SEMA3A: variants seen among roughly 807,000 people sequenced by gnomAD.
SEMA3A encodes semaphorin 3A, also known as semaphorin-3A.
In SEMA3A, 29 loss-of-function variants were observed where a neutral mutation model predicts 97.9. The ratio of observed to expected loss-of-function variants is 0.30; its 90% CI spans 0.22 to 0.40. The LOEUF (loss-of-function observed/expected upper bound fraction) is 0.40. Ranked by LOEUF, SEMA3A falls within the 10% of genes least tolerant of loss-of-function variation. The pLI, the probability that SEMA3A is intolerant of heterozygous loss-of-function variation, is 1.00. For missense variants in SEMA3A, 763 were observed against 951.3 expected (o/e 0.80, Z 2.60); for synonymous variants, 321 against 323.7 (o/e 0.99, Z 0.09).
chr7:84,265,480 T>C (rs1696447560), intron 3 of SEMA3A, among the ~76,000 whole-genome samples: 1 of 147,488 alleles, frequency 6.8e-6, no homozygotes, highest in South Asian at 2.1e-4. Flanking sequence ...ATATATCTTA[T>C]ATATAAAATA....
intron 12 of SEMA3A, among the ~76,000 whole-genome samples, chr7:84,000,438 G>A (rs1274459456): frequency 2.6e-5 from 4 of 152,040 alleles, no homozygotes. Flanking sequence ...GGATTAATAG[G>A]AAAGGCTACT....
intron 1 of SEMA3A, among the ~76,000 whole-genome samples, chr7:84,180,639 G>T (rs1260610991): frequency 1.3e-5 from 2 of 152,114 alleles, no homozygotes; most frequent in African/African-American, 4.8e-5. Context: ...AGTGAGCCAA[G>T]ATTGTGCCAC....
chr7:84,117,251 T>G (rs1795461181), intron 3 of SEMA3A, among the ~76,000 whole-genome samples: 1 of 152,220 alleles, frequency 6.6e-6, no homozygotes, highest in African/African-American at 2.4e-5. Flanking sequence ...TTTGGAATTT[T>G]TAAATTTATT....
chr7:84,488,305 T>C (rs1019229448), intron 1 of SEMA3A, among the ~76,000 whole-genome samples: 3 of 138,162 alleles, frequency 2.2e-5, no homozygotes, highest in African/African-American at 8.7e-5. Flanking sequence ...TCCAGCTATG[T>C]TTCTTCGTAT....
intron 1 of SEMA3A, among the ~76,000 whole-genome samples, chr7:84,457,769 TC>T (rs1477262364): frequency 6.6e-6 from 1 of 152,020 alleles, no homozygotes; most frequent in Admixed American, 6.5e-5. Flanking sequence ...TTCTAACTAT[TC>T]TTAATTTCTT....
chr7:84,090,857 A>AT (rs1251409738), intron 4 of SEMA3A, among the ~76,000 whole-genome samples: 2 of 151,634 alleles, frequency 1.3e-5, no homozygotes, highest in Admixed American at 6.6e-5. Context: ...TCTTGAGGCC[A>AT]GGGGTTCAAG....
intron 3 of SEMA3A, among the ~76,000 whole-genome samples, chr7:84,214,869 T>C (rs1324479194): frequency 6.6e-6 from 1 of 150,968 alleles, no homozygotes; most frequent in East Asian, 2.0e-4. Flanking sequence ...CAGCTAATTT[T>C]TTTGTATTTT....
intron 5 of SEMA3A, among the ~76,000 whole-genome samples, chr7:84,056,264 C>T (rs1349174514): frequency 6.6e-6 from 1 of 152,104 alleles, no homozygotes; most frequent in Non-Finnish European, 1.5e-5. Context: ...GGCTTAGTTG[C>T]CTGAGAAGTA....
intron 6 of SEMA3A, among the ~76,000 whole-genome samples, chr7:84,019,028 G>C (rs1791215216): frequency 6.6e-6 from 1 of 152,214 alleles, no homozygotes; most frequent in African/African-American, 2.4e-5. Flanking sequence ...AAAGGACAGT[G>C]ACCTGGATAT....
rs933800140 is a variant in SEMA3A, at chr7:83,957,303, G to A, written c.*4068C>T. On this transcript the variant is annotated 3_prime_UTR_variant, in exon 17 of 17. Coordinates refer to ENST00000265362, the MANE Select transcript of SEMA3A (RefSeq NM_006080.3). ...TTCATTGTGAGCTCTTTGAGAACAA[G>A]GGTTATGTCTTATTCACTTTAGTGT... 1 of 152,060 alleles carries A rather than the reference G, an allele frequency of 6.6e-6. No individual in the cohort carries two copies. Among genetic ancestry groups the A allele is most frequent in the African/African-American group, 2.4e-5 (1 of 41,414 alleles). 9.4% of individuals were successfully genotyped at this position (152,060 alleles called of 1,614,324 possible). A position where few individuals can be genotyped will look rare whatever the true frequency, so the allele number is the denominator to read the frequency against.
chr7:84,163,247 T>C (rs1177090669), intron 1 of SEMA3A, among the ~76,000 whole-genome samples: 2 of 152,208 alleles, frequency 1.3e-5, no homozygotes, highest in Non-Finnish European at 2.9e-5. Context: ...CAATAAATTA[T>C]ACTTAAAGGT....
rs144923541 is a variant in SEMA3A, at chr7:84,210,442, G to C, written c.-82-15774C>G. Among the ~76,000 whole-genome samples the C allele has an allele frequency of 2.5e-3, 378 of 152,220 alleles. 1 individual carries two copies. The highest frequency in any genetic ancestry group is 8.2e-3 in the African/African-American group (340 of 41,532). ...GTAAAAAAAGCCATAAAATAGGAGA[G>C]CGTGTGTGAGTGCAGGAAATGGGAA... is the stretch of plus-strand genomic sequence containing the variant. On this transcript the variant is annotated intron_variant, in intron 3 of 3. Transcript: ENST00000424555.
intron 3 of SEMA3A, among the ~76,000 whole-genome samples, chr7:84,293,589 T>C (rs892742178): frequency 1.3e-5 from 2 of 152,038 alleles, no homozygotes; most frequent in South Asian, 4.1e-4. Flanking sequence ...TTCTTAACTA[T>C]CTCTACAAGT....
At chr7:83,978,264 T>C (rs1032240836) in intron 14 of SEMA3A, among the ~76,000 whole-genome samples, 1 of 152,168 alleles carries the variant, frequency 6.6e-6, no homozygotes, top group Non-Finnish European at 1.5e-5. Context: ...TGAACTTACA[T>C]TTAAGAGAAA....
intron 3 of SEMA3A, among the ~76,000 whole-genome samples, chr7:84,215,864 T>C (rs557032753): frequency 6.6e-6 from 1 of 152,292 alleles, no homozygotes; most frequent in East Asian, 1.9e-4. Flanking sequence ...TATGTAGTCT[T>C]TTATAAAAGG....
intron 1 of SEMA3A, among the ~76,000 whole-genome samples, chr7:84,146,498 T>A (rs1174337597): frequency 2.6e-5 from 4 of 152,160 alleles, no homozygotes; most frequent in Non-Finnish European, 1.5e-5. Flanking sequence ...GATAGTAGCC[T>A]TTTGCACAAG....
At chr7:84,203,524 ATATT>A (rs1178721379) in intron 3 of SEMA3A, among the ~76,000 whole-genome samples, 11 of 43,038 alleles carry the variant, frequency 2.6e-4, no homozygotes, top group Admixed American at 1.1e-3. Context: ...ATATATATAT[ATATT>A]TTTTTTTTTT....
At chr7:84,254,334 AAAAACAAAAC>A (rs572995120) in intron 3 of SEMA3A, among the ~76,000 whole-genome samples, 2 of 152,198 alleles carry the variant, frequency 1.3e-5, no homozygotes, top group Non-Finnish European at 2.9e-5. Flanking sequence ...TTTGCATGGG[AAAAACAAAAC>A]AAAACAAAAC....
chr7:84,253,034 A>G (rs1037577601), intron 3 of SEMA3A, among the ~76,000 whole-genome samples: 2 of 152,072 alleles, frequency 1.3e-5, no homozygotes, highest in African/African-American at 4.8e-5. Context: ...GTGTGCCACC[A>G]CATTGGCCAA....
Sources: gnomAD v4.1 joint callset for allele counts (sites outside exome capture counted in the v4.1 genomes callset) on GRCh38, gnomAD v4.1.1 for gene constraint, MANE v1.5 for transcripts, NCBI Gene and HGNC (gene_info 2026-07-23, HGNC 2026-07-21) for gene names.